AFF2: variants seen among roughly 807,000 people sequenced by gnomAD.
AFF2 encodes ALF transcription elongation factor 2, also known as AF4/FMR2 family member 2.
Under a neutral mutation model 76.9 loss-of-function variants are expected in AFF2, and 14 were observed. The observed-to-expected ratio is 0.18, with a 90% CI of 0.12 to 0.28. AFF2 has a LOEUF of 0.28. AFF2 is among the 10% of genes least tolerant of loss of function. The pLI is 1.00. For synonymous variants in AFF2, 398 were observed against 366.7 expected (o/e 1.09, Z -0.98); for missense variants, 868 against 1,001.1 (o/e 0.87, Z 1.79).
chrX:148,805,329 C>G (rs1360977242), intron 3 of AFF2, among the ~76,000 whole-genome samples: 5 of 111,451 alleles, frequency 4.5e-5, no homozygotes, highest in African/African-American at 1.6e-4. Flanking sequence ...TGATTGCCAG[C>G]TTTGTGGGAC....
rs145927587 is a variant in AFF2, at chrX:148,634,885, T to G, written c.48-17114T>G. On this transcript the variant is annotated intron_variant, in intron 1 of 20. Coordinates refer to ENST00000370460, the MANE Select transcript of AFF2 (RefSeq NM_002025.4). The stretch of plus-strand genomic sequence containing the variant: ...CCTCACCCAGTGGACACTCTTCATG[T>G]GTGAGGTGGTTCTGAGAAGAGACAT... 5.1e-3 allele frequency among the ~76,000 whole-genome samples: 575 copies of G among 111,780 alleles called. 3 individuals are homozygous for G. Among genetic ancestry groups the G allele is most frequent in the African/African-American group, 0.018 (562 of 30,722 alleles).
At chrX:148,947,723 A>T (rs2071917450) in intron 9 of AFF2, among the ~76,000 whole-genome samples, 1 of 112,100 alleles carries the variant, frequency 8.9e-6, no homozygotes, top group Non-Finnish European at 1.9e-5. Context: ...GAGTTCAGAG[A>T]CAAAAACGAA....
intron 1 of AFF2, among the ~76,000 whole-genome samples, chrX:148,517,310 C>T (rs1183306070): frequency 3.6e-5 from 4 of 111,961 alleles, no homozygotes; most frequent in Non-Finnish European, 7.5e-5. Context: ...GTACCACTGC[C>T]CTCGTTGCTT....
At chrX:148,761,467 GTTT>G (rs77197026) in intron 3 of AFF2, among the ~76,000 whole-genome samples, 3 of 63,624 alleles carry the variant, frequency 4.7e-5, no homozygotes, top group African/African-American at 2.4e-4. Context: ...AGTTTTTTTT[GTTT>G]TTTTTTTTTT....
intron 9 of AFF2, among the ~76,000 whole-genome samples, chrX:148,940,269 T>TGC (rs2071818338): frequency 8.9e-6 from 1 of 111,927 alleles, no homozygotes; most frequent in Non-Finnish European, 1.9e-5. Context: ...GTCTACACTA[T>TGC]AATCCCTAAG....
At chrX:148,862,244 C>A (rs149669916) in intron 7 of AFF2, among the ~76,000 whole-genome samples, 120 of 110,728 alleles carry the variant, frequency 1.1e-3, no homozygotes, top group African/African-American at 3.2e-3. Context: ...ATTGAAAATG[C>A]AGTAATGAAG....
At chrX:148,785,294 C>T (rs1009181159) in intron 3 of AFF2, among the ~76,000 whole-genome samples, 1 of 111,802 alleles carries the variant, frequency 8.9e-6, no homozygotes, top group Non-Finnish European at 1.9e-5. Context: ...TTTATCTGTA[C>T]CCAGTATCAG....
chrX:148,904,328 C>A, intron 9 of AFF2, 70 bp downstream of exon 9: 3 of 642,831 alleles, frequency 4.7e-6, no homozygotes, highest in East Asian at 3.4e-5. Context: ...AAAATAAGGT[C>A]ATAAAAGAGA....
chrX:148,766,612 G>T (rs1192431787), intron 3 of AFF2, among the ~76,000 whole-genome samples: 119 of 92,000 alleles, frequency 1.3e-3, no homozygotes, highest in Admixed American at 2.4e-3. Flanking sequence ...TTAGCCCTTT[G>T]TCAGATGAGT....
intron 3 of AFF2, among the ~76,000 whole-genome samples, chrX:148,749,947 CTTTATTTA>C (rs56019532): frequency 8.3e-4 from 84 of 101,758 alleles, no homozygotes; most frequent in South Asian, 4.7e-3. Context: ...GGCCTGCACC[CTTTATTTA>C]TTTATTTATT....
At chrX:148,641,663 G>A (rs1418276136) in intron 1 of AFF2, among the ~76,000 whole-genome samples, 3 of 111,327 alleles carry the variant, frequency 2.7e-5, no homozygotes, top group Non-Finnish European at 5.7e-5. Context: ...TCCTTGTGAC[G>A]AGTATTAGGA....
chrX:148,612,180 T>C (rs1303079276), intron 1 of AFF2, among the ~76,000 whole-genome samples: 1 of 112,040 alleles, frequency 8.9e-6, no homozygotes, highest in Non-Finnish European at 1.9e-5. Flanking sequence ...TGGTAAGCTA[T>C]ACACCATTTA....
intron 9 of AFF2, among the ~76,000 whole-genome samples, chrX:148,931,563 A>G (rs965380425): frequency 7.1e-5 from 8 of 112,496 alleles, no homozygotes; most frequent in Admixed American, 6.6e-4. Context: ...ATCATCTATA[A>G]TGACTTACAT....
intron 8 of AFF2, among the ~76,000 whole-genome samples, chrX:148,893,646 G>A (rs1279945090): frequency 2.7e-5 from 3 of 112,121 alleles, no homozygotes; most frequent in African/African-American, 9.7e-5. Flanking sequence ...GTGAGGGTAT[G>A]TTGTTTGCCC....
At chrX:148,610,562 C>T (rs782594715) in intron 1 of AFF2, among the ~76,000 whole-genome samples, 4 of 111,865 alleles carry the variant, frequency 3.6e-5, no homozygotes, top group Non-Finnish European at 5.6e-5. Flanking sequence ...TAGTATTACA[C>T]GTAAAAGTTG....
intron 12 of AFF2, among the ~76,000 whole-genome samples, chrX:148,959,210 A>T (rs782172778): frequency 9.0e-6 from 1 of 111,657 alleles, no homozygotes; most frequent in South Asian, 3.8e-4. Flanking sequence ...TTCTTCAGAG[A>T]AGTCCTGCCT....
chrX:148,662,614 A>T lies in AFF2; in HGVS notation c.887A>T (p.Asp296Val). The T allele has an allele frequency of 8.3e-7, 1 of 1,211,760 alleles. No individual in the cohort carries two copies. Among genetic ancestry groups the T allele is most frequent in the Non-Finnish European group, 1.1e-6 (1 of 895,556 alleles). Residue 296 changes from aspartate to valine, a missense_variant, in exon 3 of 21, where the codon GAC becomes GTC. Asp to Val is a radical substitution (Grantham distance 152). Coordinates refer to ENST00000370460, the MANE Select transcript of AFF2 (RefSeq NM_002025.4). ...TAYVRPMDGQ[D>V]QAPDISPTLK... Reference sequence around the variant, plus strand: ...TACGTCAGACCCATGGATGGCCAGGACCAGGCACCGGACATCTCACCAACA... The same window carrying T: ...TACGTCAGACCCATGGATGGCCAGGTCCAGGCACCGGACATCTCACCAACA...
intron 9 of AFF2, among the ~76,000 whole-genome samples, chrX:148,925,755 G>A (rs1557283710): frequency 9.0e-6 from 1 of 111,680 alleles, no homozygotes; most frequent in Non-Finnish European, 1.9e-5. Flanking sequence ...TTGTGATGGA[G>A]ATTAAATGAG....
At chrX:148,833,054 C>T (rs1393875444) in intron 4 of AFF2, among the ~76,000 whole-genome samples, 2 of 111,198 alleles carry the variant, frequency 1.8e-5, no homozygotes, top group Admixed American at 1.9e-4. Flanking sequence ...ACTATTTGAG[C>T]AGCTACTATG....
Sources: gnomAD v4.1 joint callset for allele counts (sites outside exome capture counted in the v4.1 genomes callset) on GRCh38, gnomAD v4.1.1 for gene constraint, MANE v1.5 for transcripts, NCBI Gene and HGNC (gene_info 2026-07-23, HGNC 2026-07-21) for gene names.